Variants in SATB2 observed in about 807,000 individuals in gnomAD.
SATB2 encodes the protein DNA-binding protein SATB2.
A neutral mutation model predicts 73.4 loss-of-function variants in SATB2; 1 was observed. The ratio of observed to expected loss-of-function variants is 0.01; its 90% CI spans 0.00 to 0.06. The LOEUF (loss-of-function observed/expected upper bound fraction) is 0.06, where lower values mean the gene tolerates loss of function less well. SATB2 is among the 10% of genes least tolerant of loss of function. The pLI is 1.00. For missense variants in SATB2, 459 were observed against 945.8 expected, an observed-to-expected ratio of 0.49 and a Z score of 6.75; for synonymous variants, 397 against 367.0, an observed-to-expected ratio of 1.08 and a Z score of -0.93.
chr2:199,368,512 T>A lies in SATB2; in HGVS notation c.700+93A>T. The A allele has an allele frequency of 3.9e-6, 3 of 773,374 alleles. No individual in the cohort carries two copies. In the Admixed American group the frequency reaches 5.9e-5, roughly 15 times the overall value. The allele number at this position is 773,374 out of a possible 1,614,324, so 47.9% of individuals were successfully genotyped here. On this transcript the variant is annotated intron_variant, in intron 6 of 10. Coordinates refer to ENST00000417098, the MANE Select transcript of SATB2 (RefSeq NM_001172509.2). ...CACCTTTGTAAAAAAATTACGTAAA[T>A]TGTATCTAAAATGAGCATAAATTCC...
chr2:199,439,362 G>C (rs1340524869), intron 2 of SATB2, among the ~76,000 whole-genome samples: 3 of 152,216 alleles, frequency 2.0e-5, no homozygotes, highest in African/African-American at 4.8e-5. Context: ...TCTGTCTCTT[G>C]AAGGAAGGCA....
upstream of SATB2, chr2:199,468,350 A>T (rs942570863): frequency 3.3e-5 from 5 of 150,644 alleles, no homozygotes; most frequent in African/African-American, 1.2e-4. Context: ...TCTATTGAAG[A>T]CTAACCTCAG....
In SATB2 at chr2:199,386,736, A is replaced by G. The variant is rs867588173; in HGVS notation, c.347-4916T>C. On this transcript the variant is annotated intron_variant, in intron 3 of 10. Transcript: ENST00000417098. The stretch of plus-strand genomic sequence containing the variant: ...CGCGCGCACACACACACACACACAC[A>G]CACACACACACACACACACACACAC... Among the ~76,000 whole-genome samples the G allele has an allele frequency of 2.3e-4, 33 of 144,348 alleles. 1 individual carries two copies. The South Asian group carries it at 4.9e-3, about 21-fold the overall frequency. 94.7% of individuals were successfully genotyped at this position (144,348 alleles called of 152,430 possible).
intron 10 of SATB2, among the ~76,000 whole-genome samples, chr2:199,278,690 G>GAAA (rs1335136673): frequency 6.6e-6 from 1 of 152,186 alleles, no homozygotes; most frequent in Non-Finnish European, 1.5e-5. Flanking sequence ...TACTTAGTAA[G>GAAA]AAAAATTCAG....
chr2:199,426,642 T>C (rs1293322414), intron 3 of SATB2, among the ~76,000 whole-genome samples: 32 of 137,688 alleles, frequency 2.3e-4, no homozygotes, highest in Admixed American at 2.3e-3. Context: ...TTTCAGAGCA[T>C]GAAAAACCTT....
intron 9 of SATB2, among the ~76,000 whole-genome samples, chr2:199,310,767 AAAG>A (rs1412946828): frequency 8.5e-5 from 13 of 152,206 alleles, no homozygotes; most frequent in African/African-American, 2.4e-4. Flanking sequence ...GCATCTGTTA[AAAG>A]AAGAAGATCT....
At chr2:199,393,875 T>A (rs529615328) in intron 3 of SATB2, among the ~76,000 whole-genome samples, 1 of 152,284 alleles carries the variant, frequency 6.6e-6, no homozygotes, top group East Asian at 1.9e-4. Context: ...CAACAATGGC[T>A]TTCAGATCAA....
At chr2:199,431,844 A>G (rs569571183) in intron 3 of SATB2, among the ~76,000 whole-genome samples, 1 of 152,358 alleles carries the variant, frequency 6.6e-6, no homozygotes, top group South Asian at 2.1e-4. Context: ...AAGCTGGCAC[A>G]CCAGGGTGCA....
At chr2:199,355,948 A>G (rs1323853787) in intron 6 of SATB2, among the ~76,000 whole-genome samples, 1 of 152,246 alleles carries the variant, frequency 6.6e-6, no homozygotes, top group Non-Finnish European at 1.5e-5. Flanking sequence ...TTATTGTAGT[A>G]TTTTCACGCT....
chr2:199,371,810 C>G (rs768020935), intron 5 of SATB2, among the ~76,000 whole-genome samples: 1 of 152,076 alleles, frequency 6.6e-6, no homozygotes, highest in Admixed American at 6.6e-5. Context: ...TTATACAAAG[C>G]AATACTAATA....
chr2:199,420,504 T>G (rs1031573395), intron 3 of SATB2, among the ~76,000 whole-genome samples: 2 of 152,174 alleles, frequency 1.3e-5, no homozygotes, highest in African/African-American at 4.8e-5. Flanking sequence ...CAGCATCCCT[T>G]ATTGAGTACT....
At chr2:199,383,793 G>GT (rs1323376250) in intron 3 of SATB2, among the ~76,000 whole-genome samples, 1 of 152,154 alleles carries the variant, frequency 6.6e-6, no homozygotes, top group Non-Finnish European at 1.5e-5. Context: ...GCATTCCATT[G>GT]TAAGAATACA....
chr2:199,280,616 T>C lies in SATB2; in HGVS notation c.1741-7944A>G, dbSNP rs543738985. Among the ~76,000 whole-genome samples the C allele has an allele frequency of 3.3e-5, 5 of 152,208 alleles. No individual in the cohort carries two copies. In the East Asian group the frequency reaches 9.7e-4, roughly 29 times the overall value. On this transcript the variant is annotated intron_variant, in intron 10 of 10. Transcript: ENST00000417098. ...GAAATGGCCGCTTTGGGGGTGGCTG[T>C]CTTTTACGATCACAGCTGTAGGGAT...
chr2:199,401,714 CAT>C (rs1163092969), intron 3 of SATB2, among the ~76,000 whole-genome samples: 2 of 152,014 alleles, frequency 1.3e-5, no homozygotes, highest in Non-Finnish European at 2.9e-5. Flanking sequence ...GTGTGATGGT[CAT>C]AAAACCAGGA....
In SATB2 at chr2:199,393,565, T is replaced by C. The variant is rs375705877; in HGVS notation, c.347-11745A>G. Among the ~76,000 whole-genome samples the C allele has an allele frequency of 4.7e-4, 71 of 152,230 alleles. 1 individual carries two copies. In the South Asian group the frequency reaches 0.015, roughly 31 times the overall value. On this transcript the variant is annotated intron_variant, in intron 3 of 10. Coordinates refer to ENST00000417098, the MANE Select transcript of SATB2 (RefSeq NM_001172509.2). ...CCCAGAGACTTACTGATAATCTCCA[T>C]GGCCCCTTGCAGTTCTGACATTCTA...
chr2:199,449,592 T>C (rs1692066576), intron 2 of SATB2, among the ~76,000 whole-genome samples: 1 of 152,202 alleles, frequency 6.6e-6, no homozygotes, highest in East Asian at 1.9e-4. Flanking sequence ...TGACTACAAC[T>C]GTGCTTTTTT....
chr2:199,420,109 C>T (rs1574611938), intron 3 of SATB2, among the ~76,000 whole-genome samples: 1 of 152,174 alleles, frequency 6.6e-6, no homozygotes, highest in African/African-American at 2.4e-5. Flanking sequence ...TGGGTTTGAA[C>T]ATTTAGGTCC....
rs559119544 is a variant in SATB2, at chr2:199,330,835, C to A, written c.1174-1925G>T. Among the ~76,000 whole-genome samples, 3 of 152,238 alleles carry A rather than the reference C, an allele frequency of 2.0e-5. No individual in the cohort carries two copies. The South Asian group carries it at 6.2e-4, about 32-fold the overall frequency. On this transcript the variant is annotated intron_variant, in intron 7 of 10. Coordinates refer to ENST00000417098, the MANE Select transcript of SATB2 (RefSeq NM_001172509.2). ...CTAAGGTTGATATTTTTTGAGTTTTCTTTAATGATAAATTCTGCATATAAA... is the reference window on the plus strand; with the variant it reads ...CTAAGGTTGATATTTTTTGAGTTTTATTTAATGATAAATTCTGCATATAAA...
intron 6 of SATB2, among the ~76,000 whole-genome samples, chr2:199,355,231 T>C (rs1331537122): frequency 1.3e-5 from 2 of 150,318 alleles, no homozygotes; most frequent in African/African-American, 2.5e-5. Context: ...TATATATGTG[T>C]ATATATACAA....
Sources: gnomAD v4.1 joint callset for allele counts (sites outside exome capture counted in the v4.1 genomes callset) on GRCh38, gnomAD v4.1.1 for gene constraint, MANE v1.5 for transcripts, NCBI Gene and HGNC (gene_info 2026-07-23, HGNC 2026-07-21) for gene names.